Variants in SLC75A1 observed in about 807,000 individuals in gnomAD.
SLC75A1 encodes the protein major facilitator superfamily domain containing 10.
At chr4:2,931,493 C>T in the SLC75A1 span, 5 of 1,586,484 alleles carry the variant, frequency 3.2e-6, no homozygotes, top group African/African-American at 5.4e-5. Context: ...AGCCTCAGCA[C>T]AGCCCGTGCC....
At chr4:2,931,004 G>A in the SLC75A1 span, 11 of 1,612,212 alleles carry the variant, frequency 6.8e-6, no homozygotes, top group African/African-American at 1.3e-5. Context: ...TGGCACTTGG[G>A]AGGCGAGGGC....
chr4:2,932,804 C>T, the SLC75A1 span: 3 of 1,527,642 alleles, frequency 2.0e-6, no homozygotes, highest in Non-Finnish European at 2.6e-6. Context: ...CGCTTAAGGC[C>T]AGGAGTGGCT....
At chr4:2,932,483 G>A in the SLC75A1 span, 1 of 1,613,708 alleles carries the variant, frequency 6.2e-7, no homozygotes, top group South Asian at 1.1e-5. Flanking sequence ...CCAGGGTGAA[G>A]CCCAGTGAGA....
the SLC75A1 span, chr4:2,933,480 C>A: frequency 7.0e-7 from 1 of 1,431,106 alleles, no homozygotes. Context: ...AGGCAAGGAC[C>A]GAGAATTGGG....
At chr4:2,931,514 C>A in the SLC75A1 span, 1 of 1,596,892 alleles carries the variant, frequency 6.3e-7, no homozygotes, top group South Asian at 1.1e-5. Context: ...CTGCAGGACT[C>A]AGGGGACTGC....
At chr4:2,932,226 G>T in the SLC75A1 span, 2 of 1,551,100 alleles carry the variant, frequency 1.3e-6, no homozygotes, top group African/African-American at 1.4e-5. Context: ...GGCCTCAAGG[G>T]TCCCAACACC....
the SLC75A1 span, chr4:2,932,466 A>G: frequency 6.2e-7 from 1 of 1,613,676 alleles, no homozygotes; most frequent in Non-Finnish European, 8.5e-7. Context: ...GGCTCCGAGC[A>G]TAGGGCCCAG....
the SLC75A1 span, chr4:2,932,364 G>A: frequency 1.7e-5 from 28 of 1,613,128 alleles, no homozygotes; most frequent in Non-Finnish European, 2.2e-5. Flanking sequence ...TTTCTCCAGG[G>A]GCAGCGTCTC....
chr4:2,933,233 T>C, the SLC75A1 span: 1 of 1,604,570 alleles, frequency 6.2e-7, no homozygotes, highest in Non-Finnish European at 8.5e-7. Context: ...GTCACCATCA[T>C]GGGGCTGCCT....
At chr4:2,933,982 C>G in the SLC75A1 span, 5 of 1,508,034 alleles carry the variant, frequency 3.3e-6, no homozygotes, top group Non-Finnish European at 4.5e-6. Flanking sequence ...GCGGGGAAGC[C>G]GAGTCCTCCG....
the SLC75A1 span, chr4:2,933,483 G>T: frequency 1.4e-6 from 2 of 1,449,446 alleles, no homozygotes; most frequent in East Asian, 2.3e-5. Flanking sequence ...CAAGGACCGA[G>T]AATTGGGGAG....
the SLC75A1 span, chr4:2,933,712 G>GGGGGGCA: frequency 8.9e-3 from 14,316 of 1,608,020 alleles, 152 homozygotes; most frequent in African/African-American, 0.046. Flanking sequence ...TGATGGGCCT[G>GGGGGGCA]GGGGGCAGGG....
the SLC75A1 span, chr4:2,932,980 T>G: frequency 1.9e-6 from 2 of 1,034,620 alleles, no homozygotes; most frequent in Non-Finnish European, 2.8e-6. Flanking sequence ...CCCTCCAGGA[T>G]GCGATGAGGG....
the SLC75A1 span, chr4:2,932,112 C>G: frequency 6.2e-7 from 1 of 1,610,164 alleles, no homozygotes; most frequent in Non-Finnish European, 8.5e-7. Context: ...GGGGGCTGAG[C>G]AGATCAGCCG....
chr4:2,932,046 GTC>G, the SLC75A1 span: 1 of 1,610,946 alleles, frequency 6.2e-7, no homozygotes, highest in Non-Finnish European at 8.5e-7. Flanking sequence ...AGTCCTTACT[GTC>G]TCCAGAGGGT....
the SLC75A1 span, chr4:2,931,584 G>A: frequency 3.1e-6 from 5 of 1,613,132 alleles, no homozygotes; most frequent in Non-Finnish European, 4.2e-6. Context: ...TCCCCGCCAG[G>A]GTGGATCCGC....
At chr4:2,933,453 C>G in the SLC75A1 span, 2 of 1,194,732 alleles carry the variant, frequency 1.7e-6, no homozygotes, top group Non-Finnish European at 2.5e-6. Flanking sequence ...CCAGACATGC[C>G]AGCCCAGGGA....
At chr4:2,933,492 A>G in the SLC75A1 span, 1 of 1,482,846 alleles carries the variant, frequency 6.7e-7, no homozygotes, top group Admixed American at 1.7e-5. Flanking sequence ...AGAATTGGGG[A>G]GGGGCCTGGG....
At chr4:2,932,229 C>G in the SLC75A1 span, 1 of 1,550,838 alleles carries the variant, frequency 6.4e-7, no homozygotes, top group Non-Finnish European at 8.7e-7. Flanking sequence ...CTCAAGGGTC[C>G]CAACACCAAG....
Sources: allele counts gnomAD v4.1 joint callset, GRCh38; gene constraint gnomAD v4.1.1; transcripts MANE v1.5; gene names NCBI Gene and HGNC (gene_info 2026-07-23, HGNC 2026-07-21).